IFT56: variants seen among roughly 807,000 people sequenced by gnomAD.
The protein encoded by IFT56 is intraflagellar transport protein 56.
At chr7:139,181,781 A>C in the IFT56 span, among the ~76,000 whole-genome samples, 3 of 152,238 alleles carry the variant, frequency 2.0e-5, no homozygotes, top group Non-Finnish European at 4.4e-5. Context: ...ACAATGGCTA[A>C]TATTTGTGTG....
At chr7:139,140,103 A>G in the IFT56 span, 9,850 of 734,938 alleles carry the variant, frequency 0.013, 336 homozygotes, top group East Asian at 0.097. Context: ...TGAGAAAAAA[A>G]AAATTGATAT....
chr7:139,166,997 T>A, the IFT56 span: 2 of 677,822 alleles, frequency 3.0e-6, no homozygotes, highest in Non-Finnish European at 5.3e-6. Flanking sequence ...GGCAGACTCC[T>A]GCCTGTAGAA....
At chr7:139,137,768 C>T in the IFT56 span, 1 of 1,181,624 alleles carries the variant, frequency 8.5e-7, no homozygotes. Flanking sequence ...TGTCAGTAAC[C>T]CAACGTAGCA....
chr7:139,142,286 T>A, the IFT56 span: 2 of 1,614,108 alleles, frequency 1.2e-6, no homozygotes, highest in Non-Finnish European at 1.7e-6. Context: ...AACCGCCTCC[T>A]CTTCCACTTG....
At chr7:139,170,067 G>A in the IFT56 span, among the ~76,000 whole-genome samples, 5 of 152,078 alleles carry the variant, frequency 3.3e-5, no homozygotes, top group African/African-American at 7.2e-5. Flanking sequence ...GAATCACCAC[G>A]GGCTACTATG....
At chr7:139,140,041 A>G in the IFT56 span, 3 of 1,322,098 alleles carry the variant, frequency 2.3e-6, no homozygotes, top group African/African-American at 3.0e-5. Context: ...CTTCATTCAT[A>G]GTTAAGAGTT....
At chr7:139,167,546 C>T in the IFT56 span, among the ~76,000 whole-genome samples, 2 of 152,008 alleles carry the variant, frequency 1.3e-5, no homozygotes, top group South Asian at 4.2e-4. Flanking sequence ...AGAAGTGAGG[C>T]CCCAGGACTC....
the IFT56 span, among the ~76,000 whole-genome samples, chr7:139,142,674 CA>C: frequency 1.3e-5 from 2 of 151,878 alleles, no homozygotes; most frequent in Non-Finnish European, 2.9e-5. Context: ...TACTAAAATA[CA>C]AAAAAAATTA....
At chr7:139,172,541 C>T in the IFT56 span, 71 of 513,550 alleles carry the variant, frequency 1.4e-4, no homozygotes, top group African/African-American at 1.3e-3. Flanking sequence ...ATTCTTGCTG[C>T]TGTAATGCAC....
chr7:139,133,904 G>C, the IFT56 span: 1 of 1,613,764 alleles, frequency 6.2e-7, no homozygotes, highest in South Asian at 1.1e-5. Flanking sequence ...AGTAGGTCCT[G>C]AGGCTGGCGA....
At chr7:139,173,709 C>T in the IFT56 span, 1 of 770,788 alleles carries the variant, frequency 1.3e-6, no homozygotes, top group Non-Finnish European at 2.4e-6. Context: ...CGAGGCCTCT[C>T]ATTGGCTGAA....
At chr7:139,151,602 T>C in the IFT56 span, among the ~76,000 whole-genome samples, 1,003 of 152,280 alleles carry the variant, frequency 6.6e-3, 13 homozygotes, top group African/African-American at 0.024. Flanking sequence ...ACTGACTCAT[T>C]GTAGGTTCTT....
At chr7:139,167,651 G>A in the IFT56 span, among the ~76,000 whole-genome samples, 1 of 151,816 alleles carries the variant, frequency 6.6e-6, no homozygotes, top group Non-Finnish European at 1.5e-5. Context: ...TATAACATTG[G>A]AAAGGGGCCA....
the IFT56 span, among the ~76,000 whole-genome samples, chr7:139,157,708 A>C: frequency 6.6e-6 from 1 of 151,292 alleles, no homozygotes; most frequent in Non-Finnish European, 1.5e-5. Flanking sequence ...GTCTCACTAC[A>C]TTGCTAAGGT....
the IFT56 span, chr7:139,140,016 C>T: frequency 6.7e-7 from 1 of 1,482,460 alleles, no homozygotes. Flanking sequence ...TAAAGGGGCT[C>T]TTATATCTGA....
chr7:139,174,807 C>T, the IFT56 span, among the ~76,000 whole-genome samples: 76 of 152,022 alleles, frequency 5.0e-4, 1 homozygote, highest in East Asian at 0.012. Context: ...GATCACCTGA[C>T]GTCAGGAATT....
chr7:139,165,740 C>T, the IFT56 span, among the ~76,000 whole-genome samples: 18 of 152,248 alleles, frequency 1.2e-4, no homozygotes, highest in East Asian at 7.7e-4. Context: ...GTCAGACACA[C>T]GCCTAAAGCA....
chr7:139,163,998 A>G, the IFT56 span, among the ~76,000 whole-genome samples: 1 of 152,218 alleles, frequency 6.6e-6, no homozygotes, highest in African/African-American at 2.4e-5. Context: ...TACACAAAAT[A>G]AATTGTCCTT....
the IFT56 span, among the ~76,000 whole-genome samples, chr7:139,180,737 A>G: frequency 0.25 from 38,380 of 151,686 alleles, 8,888 homozygotes; most frequent in African/African-American, 0.59. Flanking sequence ...TGTTTACTGA[A>G]TTTTTGTAGT....
Sources: allele counts gnomAD v4.1 joint callset (sites outside exome capture counted in the v4.1 genomes callset), GRCh38; gene constraint gnomAD v4.1.1; transcripts MANE v1.5; gene names NCBI Gene and HGNC (gene_info 2026-07-23, HGNC 2026-07-21).